Variants in FRMPD4 observed in about 807,000 individuals in gnomAD.
FRMPD4 encodes FERM and PDZ domain-containing protein 4.
FRMPD4 carries 22 observed loss-of-function variants against 94.1 expected under a neutral mutation model. The ratio of observed to expected loss-of-function variants is 0.23; its 90% CI spans 0.17 to 0.33. The LOEUF is 0.33. Ranked by LOEUF, FRMPD4 falls within the 10% of genes least tolerant of loss-of-function variation. FRMPD4 has a pLI of 1.00. For missense variants in FRMPD4, 1,111 were observed against 1,339.9 expected (o/e 0.83, Z 2.67); for synonymous variants, 631 against 548.6 (o/e 1.15, Z -2.10).
intron 1 of FRMPD4, among the ~76,000 whole-genome samples, chrX:12,452,125 C>G (rs768579444): frequency 2.7e-5 from 3 of 110,862 alleles, no homozygotes; most frequent in Non-Finnish European, 5.7e-5. Context: ...CCGAGACCAA[C>G]AAGGGCTGCT....
Position 12,445,474 on chromosome X carries a change from GAAT to G in FRMPD4, c.42-53199_42-53197del, listed in dbSNP as rs968900527. On this transcript the variant is annotated intron_variant, in intron 1 of 16. Transcript: ENST00000675598. ...AAAAGATGTGCAAAAACAGATTTGG[GAAT>G]AATAATCAGATCATTTGTTGAATGC... Among the ~76,000 whole-genome samples, 3 of 112,466 alleles carry G rather than the reference GAAT, an allele frequency of 2.7e-5. No homozygotes were observed. The Admixed American group carries it at 2.8e-4, about 11-fold the overall frequency.
chrX:11,870,758 A>G (rs1450310007), intron 2 of FRMPD4, among the ~76,000 whole-genome samples: 1 of 112,032 alleles, frequency 8.9e-6, no homozygotes, highest in Non-Finnish European at 1.9e-5. Flanking sequence ...TAAAAATAGC[A>G]TCTTGGACCG....
chrX:12,677,029 C>T (rs2059906914), intron 5 of FRMPD4, among the ~76,000 whole-genome samples: 1 of 111,932 alleles, frequency 8.9e-6, no homozygotes, highest in South Asian at 3.7e-4. Flanking sequence ...TTTCAAGTCT[C>T]AGGCCAAATT....
At chrX:12,435,615 A>T (rs1000336917) in intron 1 of FRMPD4, among the ~76,000 whole-genome samples, 2 of 111,420 alleles carry the variant, frequency 1.8e-5, no homozygotes, top group Admixed American at 1.9e-4. Flanking sequence ...CTTTGCTGTG[A>T]TTATGATTAT....
intron 3 of FRMPD4, among the ~76,000 whole-genome samples, chrX:12,081,008 C>T (rs564908314): frequency 9.8e-5 from 11 of 111,989 alleles, no homozygotes; most frequent in Middle Eastern, 9.2e-3. Flanking sequence ...CTACAGGAAA[C>T]TTTATCACAG....
At chrX:11,970,793 G>A (rs1569134947) in intron 3 of FRMPD4, among the ~76,000 whole-genome samples, 1 of 111,801 alleles carries the variant, frequency 8.9e-6, no homozygotes, top group South Asian at 3.7e-4. Flanking sequence ...GATCCCAAAA[G>A]CCTGTCATTT....
intron 1 of FRMPD4, among the ~76,000 whole-genome samples, chrX:12,245,613 A>G (rs767057192): frequency 3.8e-5 from 4 of 105,775 alleles, no homozygotes; most frequent in Non-Finnish European, 7.7e-5. Flanking sequence ...TTGAAATTCA[A>G]TTGCTATTGT....
At chrX:11,913,339 A>T (rs931022073) in intron 3 of FRMPD4, among the ~76,000 whole-genome samples, 2 of 112,404 alleles carry the variant, frequency 1.8e-5, no homozygotes, top group African/African-American at 6.5e-5. Flanking sequence ...TGCACATTGA[A>T]TCATCTCAGA....
chrX:12,531,121 T>C (rs2058281666), intron 2 of FRMPD4, among the ~76,000 whole-genome samples: 1 of 112,464 alleles, frequency 8.9e-6, no homozygotes. Context: ...TATTTCTCAA[T>C]GGCAATTTAT....
At chrX:12,126,634 G>A (rs1357941568) in intron 3 of FRMPD4, among the ~76,000 whole-genome samples, 2 of 111,253 alleles carry the variant, frequency 1.8e-5, no homozygotes, top group African/African-American at 6.5e-5. Context: ...TCTTCCTAGG[G>A]TGCTAAGGAA....
At chrX:12,387,329 G>C (rs1285358331) in intron 1 of FRMPD4, among the ~76,000 whole-genome samples, 1 of 112,216 alleles carries the variant, frequency 8.9e-6, no homozygotes, top group African/African-American at 3.2e-5. Context: ...GGTAATTAAA[G>C]GCTGTTTATT....
chrX:12,164,605 T>C (rs1325324331), intron 1 of FRMPD4, among the ~76,000 whole-genome samples: 1 of 112,124 alleles, frequency 8.9e-6, no homozygotes, highest in Non-Finnish European at 1.9e-5. Context: ...TAGTTGTAGA[T>C]CCCTGAGGAA....
At chrX:12,296,370 G>T (rs2054772337) in intron 1 of FRMPD4, among the ~76,000 whole-genome samples, 1 of 112,005 alleles carries the variant, frequency 8.9e-6, no homozygotes, top group Non-Finnish European at 1.9e-5. Context: ...CTGTTATTCA[G>T]GTTCTTCTCT....
At chrX:12,513,690 G>C (rs2058067414) in intron 2 of FRMPD4, among the ~76,000 whole-genome samples, 1 of 111,914 alleles carries the variant, frequency 8.9e-6, no homozygotes, top group Non-Finnish European at 1.9e-5. Context: ...GGATTGTCTT[G>C]GCTATATGAG....
intron 4 of FRMPD4, among the ~76,000 whole-genome samples, chrX:12,634,514 G>A (rs188362858): frequency 1.8e-5 from 2 of 111,842 alleles, no homozygotes; most frequent in Admixed American, 9.5e-5. Context: ...GTTCTTTTTG[G>A]TAGAGCACTT....
chrX:12,109,313 C>A (rs1199192667), intron 3 of FRMPD4, among the ~76,000 whole-genome samples: 1 of 112,076 alleles, frequency 8.9e-6, no homozygotes, highest in Non-Finnish European at 1.9e-5. Context: ...CAACCTGCTC[C>A]TGAATGACTA....
intron 3 of FRMPD4, among the ~76,000 whole-genome samples, chrX:11,944,142 T>C (rs2054176779): frequency 8.9e-6 from 1 of 112,397 alleles, no homozygotes; most frequent in Non-Finnish European, 1.9e-5. Context: ...CTTTCCAACT[T>C]CCAAGCTTTT....
At chrX:12,481,816 C>T (rs1449932785) in intron 1 of FRMPD4, among the ~76,000 whole-genome samples, 3 of 104,887 alleles carry the variant, frequency 2.9e-5, no homozygotes, top group Non-Finnish European at 3.9e-5. Context: ...GTGGCGTACA[C>T]CTGTAGTCCC....
At chrX:12,048,233 T>A (rs932920788) in intron 3 of FRMPD4, among the ~76,000 whole-genome samples, 31 of 112,541 alleles carry the variant, frequency 2.8e-4, no homozygotes, top group African/African-American at 1.0e-3. Context: ...GTTTAGGTTT[T>A]CATTTCTCTG....
Sources: allele counts gnomAD v4.1 joint callset (sites outside exome capture counted in the v4.1 genomes callset), GRCh38; gene constraint gnomAD v4.1.1; transcripts MANE v1.5; gene names NCBI Gene and HGNC (gene_info 2026-07-23, HGNC 2026-07-21).